Variants in AK5 observed in about 807,000 individuals in gnomAD.
AK5 encodes the protein adenylate kinase isoenzyme 5.
Under a neutral mutation model 69.5 loss-of-function variants are expected in AK5, and 27 were observed. The ratio of observed to expected loss-of-function variants is 0.39; its 90% CI spans 0.29 to 0.54. The LOEUF is 0.54. Ranked by LOEUF, AK5 falls within the 20% of genes least tolerant of loss-of-function variation. The pLI, the probability that AK5 is intolerant of heterozygous loss-of-function variation, is 0.71. For missense variants in AK5, 531 were observed against 700.4 expected (o/e 0.76, Z 2.73); for synonymous variants, 260 against 244.4 (o/e 1.06, Z -0.60).
chr1:77,337,501 A>G (rs1443747805), intron 5 of AK5, among the ~76,000 whole-genome samples: 1 of 152,160 alleles, frequency 6.6e-6, no homozygotes, highest in African/African-American at 2.4e-5. Flanking sequence ...TTTCTTATGT[A>G]ATTTATTTAA....
chr1:77,403,215 G>C (rs1223131583), intron 6 of AK5, among the ~76,000 whole-genome samples: 1 of 152,088 alleles, frequency 6.6e-6, no homozygotes, highest in African/African-American at 2.4e-5. Flanking sequence ...CAGATGAGTA[G>C]GTTGCAAAAA....
chr1:77,443,677 C>CCGTGTG (rs759759530), intron 8 of AK5, among the ~76,000 whole-genome samples: 2 of 134,042 alleles, frequency 1.5e-5, no homozygotes, highest in Non-Finnish European at 3.2e-5. Context: ...TGTGGGGAGT[C>CCGTGTG]TGTGTGTGTG....
intron 6 of AK5, among the ~76,000 whole-genome samples, chr1:77,362,728 A>G (rs1417459469): frequency 6.6e-6 from 1 of 152,246 alleles, no homozygotes; most frequent in Non-Finnish European, 1.5e-5. Flanking sequence ...TCAAATCAGT[A>G]GTAAGACTCC....
intron 10 of AK5, among the ~76,000 whole-genome samples, chr1:77,500,576 C>G (rs888299619): frequency 6.6e-6 from 1 of 152,040 alleles, no homozygotes; most frequent in Non-Finnish European, 1.5e-5. Context: ...GTCAGGAGTT[C>G]GAGATCAGCC....
chr1:77,482,068 T>G (rs1259488001), intron 8 of AK5, among the ~76,000 whole-genome samples: 2 of 152,236 alleles, frequency 1.3e-5, no homozygotes, highest in African/African-American at 2.4e-5. Context: ...TAGAATAGTA[T>G]TATATCGTAA....
chr1:77,343,863 C>A (rs1661782464), intron 6 of AK5, among the ~76,000 whole-genome samples: 1 of 152,164 alleles, frequency 6.6e-6, no homozygotes, highest in South Asian at 2.1e-4. Flanking sequence ...CAATTCTGTG[C>A]CCTTTGAGGG....
At chr1:77,377,235 CAACT>C (rs1397463022) in intron 6 of AK5, among the ~76,000 whole-genome samples, 2 of 152,198 alleles carry the variant, frequency 1.3e-5, no homozygotes, top group African/African-American at 4.8e-5. Flanking sequence ...GTCACACAAC[CAACT>C]GAGTTTAACA....
chr1:77,431,472 T>C (rs1651633931), intron 8 of AK5, among the ~76,000 whole-genome samples: 1 of 152,160 alleles, frequency 6.6e-6, no homozygotes, highest in Admixed American at 6.5e-5. Context: ...AATATGTGGT[T>C]CAGAAAGGCA....
chr1:77,497,354 A>G (rs2803154), intron 10 of AK5, among the ~76,000 whole-genome samples: 3,451 of 152,282 alleles, frequency 0.023, 105 homozygotes, highest in African/African-American at 0.079. Context: ...AAGTCAAGCA[A>G]GACCACAAAC....
intron 8 of AK5, among the ~76,000 whole-genome samples, chr1:77,457,014 G>A (rs560839434): frequency 6.6e-6 from 1 of 151,508 alleles, no homozygotes; most frequent in Admixed American, 6.6e-5. Context: ...CTGACAGTTT[G>A]CCTGGGTTTT....
At chr1:77,317,346 C>T (rs887108819) in intron 5 of AK5, among the ~76,000 whole-genome samples, 5 of 152,088 alleles carry the variant, frequency 3.3e-5, no homozygotes, top group African/African-American at 7.2e-5. Flanking sequence ...CATACAGTGT[C>T]GCTTCTATCA....
chr1:77,337,686 G>A (rs1010691042), intron 5 of AK5, among the ~76,000 whole-genome samples: 1 of 151,896 alleles, frequency 6.6e-6, no homozygotes, highest in East Asian at 1.9e-4. Flanking sequence ...ATTTTTTAAG[G>A]TTTCTCAAAA....
intron 10 of AK5, among the ~76,000 whole-genome samples, chr1:77,518,047 C>A (rs1352596070): frequency 6.6e-6 from 1 of 152,246 alleles, no homozygotes. Flanking sequence ...TTTGTCCTCA[C>A]AACCCTTCTG....
At chr1:77,294,769 A>G (rs1221935381) in intron 3 of AK5, among the ~76,000 whole-genome samples, 1 of 152,132 alleles carries the variant, frequency 6.6e-6, no homozygotes, top group Non-Finnish European at 1.5e-5. Flanking sequence ...TGTTTTAAAT[A>G]TTTTTGAAAA....
chr1:77,558,536 C>A, intron 13 of AK5, 66 bp from the exon 14 acceptor site: 1 of 1,039,356 alleles, frequency 9.6e-7, no homozygotes, highest in Non-Finnish European at 1.5e-6. Flanking sequence ...TGATAGTGTT[C>A]TTTCATTATT....
At chr1:77,451,145 C>T (rs922253562) in intron 8 of AK5, among the ~76,000 whole-genome samples, 2 of 151,414 alleles carry the variant, frequency 1.3e-5, no homozygotes, top group African/African-American at 2.4e-5. Flanking sequence ...CACTGCACTA[C>T]AGCCTAGGCA....
intron 12 of AK5, among the ~76,000 whole-genome samples, chr1:77,522,769 A>G (rs1347334615): frequency 6.6e-6 from 1 of 152,246 alleles, no homozygotes; most frequent in East Asian, 1.9e-4. Flanking sequence ...CCAGGCAAGA[A>G]GGGTAAAACT....
intron 6 of AK5, among the ~76,000 whole-genome samples, chr1:77,372,138 C>G (rs988344023): frequency 3.3e-5 from 5 of 152,124 alleles, no homozygotes; most frequent in African/African-American, 9.7e-5. Context: ...TTTTTAATCA[C>G]TGTCACTTAC....
chr1:77,516,030 A>G (rs1018930504), intron 10 of AK5, among the ~76,000 whole-genome samples: 3 of 152,160 alleles, frequency 2.0e-5, no homozygotes, highest in Non-Finnish European at 2.9e-5. Flanking sequence ...TGATTGTGCC[A>G]CTGTGCTCCA....
Sources: allele counts gnomAD v4.1 joint callset (sites outside exome capture counted in the v4.1 genomes callset), GRCh38; gene constraint gnomAD v4.1.1; transcripts MANE v1.5; gene names NCBI Gene and HGNC (gene_info 2026-07-23, HGNC 2026-07-21).